Variants in ANKRD44 observed in about 807,000 individuals in gnomAD.
ANKRD44 encodes the protein ankyrin repeat domain 44.
ANKRD44 carries 35 observed loss-of-function variants against 116.0 expected under a neutral mutation model. The ratio of observed to expected loss-of-function variants is 0.30; its 90% confidence interval spans 0.23 to 0.40. The LOEUF is 0.40. Ranked by LOEUF, ANKRD44 falls within the 10% of genes least tolerant of loss-of-function variation. The pLI, the probability that ANKRD44 is intolerant of heterozygous loss-of-function variation, is 1.00. For synonymous variants in ANKRD44, 435 were observed against 461.8 expected (o/e 0.94, Z 0.74); for missense variants, 1,014 against 1,242.6 (o/e 0.82, Z 2.77).
At chr2:197,022,260 A>G (rs1327466180) in intron 17 of ANKRD44, among the ~76,000 whole-genome samples, 1 of 152,144 alleles carries the variant, frequency 6.6e-6, no homozygotes, top group African/African-American at 2.4e-5. Context: ...GAATAAAATG[A>G]CTTTAGAAGG....
At chr2:197,018,671 G>A (rs11885898) in intron 17 of ANKRD44, among the ~76,000 whole-genome samples, 9,833 of 152,224 alleles carry the variant, frequency 0.065, 1,076 homozygotes, top group African/African-American at 0.22. Flanking sequence ...GGGACTTAAT[G>A]TGGGTTGTTC....
Position 197,187,060 on chromosome 2 carries a change from C to G in ANKRD44, c.74G>C (p.Arg25Pro), listed in dbSNP as rs149690877. 1 of 1,614,080 alleles carries G rather than the reference C, an allele frequency of 6.2e-7. No individual in the cohort carries two copies. Among genetic ancestry groups the G allele is most frequent in the South Asian group, 1.1e-5 (1 of 91,072 alleles). ...ATCTTCAGTTTTATGGATGAGCATC[C>G]GGATCTCCTCTGGATCACCGCTGAA... ...AIFSGDPEEI[R>P]MLIHKTEDVN... The change falls in exon 2 of 28, where the codon CGG becomes CCG. Residue 25 changes from arginine (R) to proline (P), a missense_variant. Transcript: ENST00000282272.
chr2:196,989,439 A>T lies in ANKRD44; in HGVS notation c.*152T>A. 3.2e-6 allele frequency: 4 copies of T among 1,265,078 alleles called. No individual in the cohort carries two copies. The East Asian group carries it at 1.2e-4, about 39-fold the overall frequency. The allele number at this position is 1,265,078 out of a possible 1,614,324, so 78.4% of individuals were successfully genotyped here. A position where few individuals can be genotyped will look rare whatever the true frequency, so the allele number is the denominator to read the frequency against. On this transcript the variant is annotated 3_prime_UTR_variant, in exon 28 of 28. Transcript: ENST00000282272. ...ACTTCAGTTCTCACTTGCATTTTGA[A>T]GGAAAAAAATGTGTATCTTCCATTT... is the stretch of plus-strand genomic sequence containing the variant.
chr2:197,258,845 T>A (rs2105713824), intron 1 of ANKRD44, among the ~76,000 whole-genome samples: 1 of 152,364 alleles, frequency 6.6e-6, no homozygotes, highest in South Asian at 2.1e-4. Flanking sequence ...CAGTGATTGC[T>A]CCATTTTCTT....
chr2:197,271,609 A>G (rs148938517), intron 1 of ANKRD44, among the ~76,000 whole-genome samples: 5 of 152,268 alleles, frequency 3.3e-5, no homozygotes, highest in African/African-American at 1.2e-4. Flanking sequence ...CCACTAATGC[A>G]TTGCAAATCA....
chr2:196,992,916 C>G (rs2075947964), intron 27 of ANKRD44: 1 of 152,306 alleles, frequency 6.6e-6, no homozygotes, highest in East Asian at 1.9e-4. Flanking sequence ...TCCTTTTTTG[C>G]TCCCCAAGGT....
At chr2:197,123,515 C>A (rs2078905658) in intron 6 of ANKRD44, among the ~76,000 whole-genome samples, 1 of 152,168 alleles carries the variant, frequency 6.6e-6, no homozygotes, top group Admixed American at 6.5e-5. Flanking sequence ...CCTGTAGTCC[C>A]AGCTGCTCAG....
intron 16 of ANKRD44, among the ~76,000 whole-genome samples, chr2:197,064,215 A>G (rs1163445197): frequency 6.6e-6 from 1 of 152,202 alleles, no homozygotes; most frequent in African/African-American, 2.4e-5. Context: ...TTCATAAGTG[A>G]AGGAGAAATA....
chr2:197,203,719 G>A lies in ANKRD44; in HGVS notation c.28-16613C>T, dbSNP rs564836315. On this transcript the variant is annotated intron_variant, in intron 1 of 27. Coordinates refer to ENST00000282272, the MANE Select transcript of ANKRD44 (RefSeq NM_001195144.2). The surrounding 1 kb of genome is among the most constrained non-coding windows in gnomAD (Gnocchi z 4.1). ...GAAACAACCCAAGTGTCCACCAACC[G>A]GCATCAACTGATGAATGGATAAACC... is the stretch of plus-strand genomic sequence containing the variant. Among the ~76,000 whole-genome samples the A allele has an allele frequency of 4.6e-5, 7 of 152,226 alleles. No homozygotes were observed. The highest frequency in any genetic ancestry group is 2.6e-4 in the Admixed American group (4 of 15,278).
Position 197,253,401 on chromosome 2 carries a change from A to G in ANKRD44, c.27+57177T>C, listed in dbSNP as rs192125467. On this transcript the variant is annotated intron_variant, in intron 1 of 27. Transcript: ENST00000282272. ...GGATAGTTTATTAATGTATTCAATA[A>G]TGTCAATGTCCACATTATCCTACTG... 2.0e-3 allele frequency among the ~76,000 whole-genome samples: 306 copies of G among 152,304 alleles called. 2 individuals carry two copies. Among genetic ancestry groups the G allele is most frequent in the Admixed American group, 0.016 (240 of 15,298 alleles).
intron 16 of ANKRD44, among the ~76,000 whole-genome samples, chr2:197,026,411 G>T (rs1301578703): frequency 2.0e-5 from 3 of 152,212 alleles, no homozygotes; most frequent in Non-Finnish European, 4.4e-5. Flanking sequence ...CACTGAGCAG[G>T]TGATGGCCCA....
At chr2:197,219,074 T>TC (rs2081523354) in intron 1 of ANKRD44, among the ~76,000 whole-genome samples, 1 of 147,944 alleles carries the variant, frequency 6.8e-6, no homozygotes, top group East Asian at 1.9e-4. Flanking sequence ...AAGTTCCTTT[T>TC]TTTTTTTTTT....
intron 21 of ANKRD44, among the ~76,000 whole-genome samples, chr2:197,004,304 A>G (rs1450374149): frequency 6.6e-6 from 1 of 152,230 alleles, no homozygotes; most frequent in Non-Finnish European, 1.5e-5. Context: ...ATTCAAGTAC[A>G]TAAAAGCTCA....
chr2:196,969,770 A>T (rs984008620), intron 21 of ANKRD44, among the ~76,000 whole-genome samples: 3 of 152,220 alleles, frequency 2.0e-5, no homozygotes, highest in African/African-American at 7.2e-5. Context: ...TTGGGAGGTA[A>T]ATCAATCATT....
At chr2:197,296,416 A>G (rs1399646751) in intron 1 of ANKRD44, 1 of 152,228 alleles carries the variant, frequency 6.6e-6, no homozygotes, top group Non-Finnish European at 1.5e-5. Context: ...CTCCCAAGAT[A>G]TAAGTGTCAA....
intron 1 of ANKRD44, among the ~76,000 whole-genome samples, chr2:197,308,812 T>G (rs13033821): frequency 0.29 from 44,106 of 152,114 alleles, 7,588 homozygotes; most frequent in East Asian, 0.47. Context: ...TAGGAAGAGA[T>G]GTTTTCTTGT....
intron 1 of ANKRD44, among the ~76,000 whole-genome samples, chr2:197,225,344 TTTG>T (rs1254112530): frequency 6.6e-6 from 1 of 152,066 alleles, no homozygotes; most frequent in Non-Finnish European, 1.5e-5. Flanking sequence ...ACTTTTTCTT[TTTG>T]TTGTTGTTGT....
intron 8 of ANKRD44, among the ~76,000 whole-genome samples, chr2:197,120,373 G>A (rs746527193): frequency 4.6e-5 from 7 of 152,146 alleles, no homozygotes; most frequent in East Asian, 1.9e-4. Flanking sequence ...GTATTGGCTG[G>A]GCACAGTGGC....
chr2:197,144,537 G>T (rs2079448542), intron 3 of ANKRD44, among the ~76,000 whole-genome samples: 1 of 152,138 alleles, frequency 6.6e-6, no homozygotes, highest in Non-Finnish European at 1.5e-5. Flanking sequence ...GCTTCCACAG[G>T]TAAATAAAAT....
Sources: gnomAD v4.1 joint callset for allele counts (sites outside exome capture counted in the v4.1 genomes callset) on GRCh38, gnomAD v4.1.1 for gene constraint, Gnocchi (gnomAD v3.1) non-coding constraint, MANE v1.5 for transcripts, NCBI Gene and HGNC (gene_info 2026-07-23, HGNC 2026-07-21) for gene names.